COL5A2: variants seen among roughly 807,000 people sequenced by gnomAD.
COL5A2 encodes collagen type V alpha 2 chain.
A neutral mutation model predicts 208.2 loss-of-function variants in COL5A2; 23 were observed. The ratio of observed to expected loss-of-function variants is 0.11; its 90% CI spans 0.08 to 0.16. The LOEUF (loss-of-function observed/expected upper bound fraction) is 0.16. Among genes scored for constraint, COL5A2 ranks in the 10% least tolerant of loss-of-function variants. COL5A2 has a pLI of 1.00. For synonymous variants in COL5A2, 625 were observed against 628.5 expected (o/e 0.99, Z 0.08); for missense variants, 1,590 against 1,956.4 (o/e 0.81, Z 3.53).
At chr2:189,359,925 A>C in the COL5A2 span, among the ~76,000 whole-genome samples, 1 of 151,968 alleles carries the variant, frequency 6.6e-6, no homozygotes, top group African/African-American at 2.4e-5. Flanking sequence ...CTTCTTTTTG[A>C]TCTCAGATTT....
the COL5A2 span, among the ~76,000 whole-genome samples, chr2:189,239,760 A>G: frequency 6.6e-6 from 1 of 151,944 alleles, no homozygotes; most frequent in Non-Finnish European, 1.5e-5. Flanking sequence ...CCTAAAACTT[A>G]AAGTATAATA....
chr2:189,349,035 C>T, the COL5A2 span, among the ~76,000 whole-genome samples: 1 of 152,056 alleles, frequency 6.6e-6, no homozygotes, highest in South Asian at 2.1e-4. Context: ...TAGCTGGACC[C>T]AATTACTAAC....
At chr2:189,160,716 C>T (rs537482867) in intron 1 of COL5A2, among the ~76,000 whole-genome samples, 22 of 152,234 alleles carry the variant, frequency 1.4e-4, no homozygotes, top group African/African-American at 5.1e-4. Context: ...TTCCTACCTT[C>T]CATTCTATGC....
intron 1 of COL5A2, among the ~76,000 whole-genome samples, chr2:189,131,270 C>T (rs1267619325): frequency 6.6e-6 from 1 of 152,092 alleles, no homozygotes; most frequent in Non-Finnish European, 1.5e-5. Flanking sequence ...CCGGAAATAA[C>T]TTTGACAGCT....
chr2:189,388,731 C>T, the COL5A2 span, among the ~76,000 whole-genome samples: 4 of 152,152 alleles, frequency 2.6e-5, no homozygotes, highest in Admixed American at 2.6e-4. Flanking sequence ...GGAATATGCT[C>T]CCTTTGTTTT....
At chr2:189,276,048 T>G in the COL5A2 span, among the ~76,000 whole-genome samples, 1 of 152,182 alleles carries the variant, frequency 6.6e-6, no homozygotes, top group African/African-American at 2.4e-5. Context: ...AATTTTCACT[T>G]TTTAGGTCAA....
At chr2:189,255,678 T>A in the COL5A2 span, among the ~76,000 whole-genome samples, 7 of 152,248 alleles carry the variant, frequency 4.6e-5, no homozygotes, top group African/African-American at 1.7e-4. Flanking sequence ...ACATTATATA[T>A]AATAAATATA....
chr2:189,119,334 C>T (rs1193830283), intron 1 of COL5A2, among the ~76,000 whole-genome samples: 1 of 151,982 alleles, frequency 6.6e-6, no homozygotes, highest in Admixed American at 6.6e-5. Context: ...TTTACTACAT[C>T]AAGAAGGAGG....
chr2:189,273,022 A>G, the COL5A2 span, among the ~76,000 whole-genome samples: 202 of 152,324 alleles, frequency 1.3e-3, 2 homozygotes, highest in African/African-American at 4.7e-3. Flanking sequence ...TCTTCTTTAT[A>G]GTATTCTAAG....
rs73981486 is a variant in COL5A2 at position 189,032,653 on chromosome 2, T to G, written c.*1417A>C. 203 of 151,862 alleles carry G rather than the reference T, an allele frequency of 1.3e-3. No individual in the cohort carries two copies. Among genetic ancestry groups the G allele is most frequent in the African/African-American group, 4.7e-3 (195 of 41,432 alleles). 9.4% of individuals were successfully genotyped at this position (151,862 alleles called of 1,614,324 possible). Reference sequence around the variant, plus strand: ...TTAAAATAGAGCCAACAAATGCAATTAAGAAAAAAAAAGTATTGAGACACA... The same window carrying G: ...TTAAAATAGAGCCAACAAATGCAATGAAGAAAAAAAAAGTATTGAGACACA... On this transcript the variant is annotated 3_prime_UTR_variant, in exon 54 of 54. Coordinates refer to ENST00000374866, the MANE Select transcript of COL5A2 (RefSeq NM_000393.5).
At chr2:189,322,654 A>C in the COL5A2 span, among the ~76,000 whole-genome samples, 1 of 152,344 alleles carries the variant, frequency 6.6e-6, no homozygotes, top group South Asian at 2.1e-4. Flanking sequence ...GAATAGACCA[A>C]TAACACACTC....
At chr2:189,219,851 A>G (rs1322380865) in intron 1 of COL5A2, among the ~76,000 whole-genome samples, 1 of 138,020 alleles carries the variant, frequency 7.2e-6, no homozygotes, top group Non-Finnish European at 1.6e-5. Context: ...CTTCACGGAT[A>G]CATGACCTGT....
chr2:189,408,789 C>T, the COL5A2 span, among the ~76,000 whole-genome samples: 1 of 152,056 alleles, frequency 6.6e-6, no homozygotes, highest in Non-Finnish European at 1.5e-5. Context: ...ATCAATTAAC[C>T]ACATTATACT....
chr2:189,041,631 A>G lies in COL5A2; in HGVS notation c.3588T>C (p.Ile1196=), dbSNP rs201460445. Residue 1196 remains isoleucine (I), a synonymous_variant, in exon 50 of 54, where the codon ATT becomes ATC. Coordinates refer to ENST00000374866, the MANE Select transcript of COL5A2 (RefSeq NM_000393.5). ...KEGNPGPLGP[I]GPPGVRGSVG... ...CACTGCCTCGTACACCTGGAGGTCC[A>G]ATTGGCCCAAGTGGCCCAGGGTTTC... The G allele has an allele frequency of 2.4e-5, 39 of 1,614,124 alleles. No homozygotes were observed. Among genetic ancestry groups the G allele is most frequent in the Admixed American group, 5.0e-5 (3 of 60,032 alleles).
the COL5A2 span, among the ~76,000 whole-genome samples, chr2:189,437,184 G>C: frequency 6.6e-6 from 1 of 152,140 alleles, no homozygotes; most frequent in African/African-American, 2.4e-5. Context: ...TCACCTCCAG[G>C]GCTGTTGAGA....
At chr2:189,134,514 G>C (rs4428040) in intron 1 of COL5A2, among the ~76,000 whole-genome samples, 1 of 151,608 alleles carries the variant, frequency 6.6e-6, no homozygotes, top group African/African-American at 2.4e-5. Flanking sequence ...GCTTGAACTC[G>C]GATGGCGGAG....
At position 189,050,642 on chromosome 2, in the gene COL5A2, G is replaced by A; in HGVS notation, c.2966C>T (p.Thr989Ile). 6.4e-7 allele frequency: 1 copy of A among 1,552,512 alleles called. No individual in the cohort carries two copies. Among genetic ancestry groups the A allele is most frequent in the Non-Finnish European group, 8.7e-7 (1 of 1,147,414 alleles). The change falls in exon 43 of 54, where the codon ACC (threonine) becomes ATC (isoleucine). Residue 989 changes from threonine to isoleucine, a missense_variant. Physicochemically the swap from Thr to Ile is moderately conservative, Grantham distance 89. Transcript: ENST00000374866. ...CATGCCAACAATTCCTCTCTGCCCG[G>A]TCGTTCCAGCTGGACCAGGGGGGCC... ...PDGPPGPAGT[T>I]GQRGIVGMPG...
the COL5A2 span, among the ~76,000 whole-genome samples, chr2:189,279,190 C>A: frequency 4.6e-5 from 7 of 151,744 alleles, no homozygotes; most frequent in East Asian, 1.2e-3. Context: ...ATAAGACGAA[C>A]TAGCATACCC....
chr2:189,298,310 C>G, the COL5A2 span, among the ~76,000 whole-genome samples: 2 of 152,184 alleles, frequency 1.3e-5, no homozygotes, highest in Admixed American at 1.3e-4. Context: ...TCCTGACTCT[C>G]TTGTGACGGT....
Sources: gnomAD v4.1 joint callset for allele counts (sites outside exome capture counted in the v4.1 genomes callset) on GRCh38, gnomAD v4.1.1 for gene constraint, MANE v1.5 for transcripts, NCBI Gene and HGNC (gene_info 2026-07-23, HGNC 2026-07-21) for gene names.